TGM5: variants seen among roughly 807,000 people sequenced by gnomAD.
TGM5 encodes the protein transglutaminase 5.
A neutral mutation model predicts 77.2 loss-of-function variants in TGM5; 69 were observed. The observed-to-expected ratio is 0.89, with a 90% CI of 0.74 to 1.09. The LOEUF (loss-of-function observed/expected upper bound fraction) is 1.09, where lower values mean the gene tolerates loss of function less well. Among genes scored for constraint, TGM5 ranks in the 50% least tolerant of loss-of-function variants. The pLI, the probability that TGM5 is intolerant of heterozygous loss-of-function variation, is 0.00. For missense variants in TGM5, 842 were observed against 896.5 expected (o/e 0.94, Z 0.78); for synonymous variants, 346 against 351.8 (o/e 0.98, Z 0.18).
At chr15:43,266,024 G>A (rs542951409) in intron 1 of TGM5, among the ~76,000 whole-genome samples, 5 of 152,338 alleles carry the variant, frequency 3.3e-5, no homozygotes. Flanking sequence ...GTATGTCTGA[G>A]TGTAAATGTG....
rs560597490 is a variant in TGM5 at position 43,252,830 on chromosome 15, T to C, written c.791A>G (p.Gln264Arg). The change falls in exon 6 of 13, where the codon CAG becomes CGG. Residue 264 changes from glutamine to arginine, a missense_variant. Physicochemically the swap from Gln to Arg is conservative, Grantham distance 43. Coordinates refer to ENST00000220420, the MANE Select transcript of TGM5 (RefSeq NM_201631.4). ...GGGCTGGCAGCCTGTGGCGTTCCAC[T>C]GCTTCAGGATGGCCACGCTGCCCGT... is the stretch of plus-strand genomic sequence containing the variant. ...EWTGSVAILK[Q>R]WNATGCQPVR... 4 of 1,614,080 alleles carry C rather than the reference T, an allele frequency of 2.5e-6. No homozygotes were observed. In the South Asian group the frequency reaches 4.4e-5, roughly 18 times the overall value.
intron 6 of TGM5, among the ~76,000 whole-genome samples, chr15:43,243,348 A>G (rs1596444198): frequency 6.6e-6 from 1 of 152,160 alleles, no homozygotes; most frequent in Admixed American, 6.5e-5. Flanking sequence ...ACTCACCACT[A>G]TCCTGATGGT....
chr15:43,245,141 C>T (rs1253280883), intron 6 of TGM5, among the ~76,000 whole-genome samples: 1 of 151,758 alleles, frequency 6.6e-6, no homozygotes, highest in Non-Finnish European at 1.5e-5. Context: ...GCTCTTTTTG[C>T]TGCAATGTGG....
chr15:43,235,001 T>C, intron 10 of TGM5, 72 bp from the exon 11 acceptor site: 2 of 1,553,362 alleles, frequency 1.3e-6, no homozygotes, highest in Non-Finnish European at 1.8e-6. Context: ...GACCTGGGTC[T>C]CTCTTCCACA....
chr15:43,238,232 G>A (rs1009061466), intron 9 of TGM5, among the ~76,000 whole-genome samples: 6 of 152,164 alleles, frequency 3.9e-5, no homozygotes, highest in Non-Finnish European at 7.4e-5. Context: ...GGCCCTCATG[G>A]ACTGGATATT....
chr15:43,266,859 C>T lies in TGM5; in HGVS notation c.-10G>A. On this transcript the variant is annotated 5_prime_UTR_variant, in exon 1 of 13. Transcript: ENST00000220420. Reference sequence around the variant, plus strand: ...CCCTACCTTGGGCCATGGTAGCTGCCTCCGGTTCCTGGGATGCTCCCCACA... The same window carrying T: ...CCCTACCTTGGGCCATGGTAGCTGCTTCCGGTTCCTGGGATGCTCCCCACA... 3 of 1,614,122 alleles carry T rather than the reference C, an allele frequency of 1.9e-6. No individual in the cohort carries two copies. The highest frequency in any genetic ancestry group is 2.5e-6 in the Non-Finnish European group (3 of 1,180,038).
chr15:43,249,883 C>T (rs1279118468), intron 6 of TGM5, among the ~76,000 whole-genome samples: 3 of 152,350 alleles, frequency 2.0e-5, no homozygotes, highest in Non-Finnish European at 4.4e-5. Flanking sequence ...TGTTGAAAGG[C>T]CACACTGGGA....
rs569199136 is a variant in TGM5, at chr15:43,261,074, GTGTTTTTTTT to G, written c.11-505_11-496del. Among the ~76,000 whole-genome samples, 4 of 73,878 alleles carry G rather than the reference GTGTTTTTTTT, an allele frequency of 5.4e-5. No homozygotes were observed. In the East Asian group the frequency reaches 2.2e-3, roughly 40 times the overall value. The allele number at this position is 73,878 out of a possible 152,430, so 48.5% of individuals were successfully genotyped here. A position where few individuals can be genotyped will look rare whatever the true frequency, so the allele number is the denominator to read the frequency against. ...AGCTGCTCTTCCTTTTTTTGTGTGTGTGTTTTTTTTTTTTTTTTTTTTTTTTTTTTTTTGA... is the reference window on the plus strand; with the variant it reads ...AGCTGCTCTTCCTTTTTTTGTGTGTGTTTTTTTTTTTTTTTTTTTTTTTGA... On this transcript the variant is annotated intron_variant, in intron 1 of 12. Coordinates refer to ENST00000220420, the MANE Select transcript of TGM5 (RefSeq NM_201631.4).
At chr15:43,260,001 G>A (rs770991084) in intron 3 of TGM5, 51 bp downstream of exon 3, 1 of 1,611,224 alleles carries the variant, frequency 6.2e-7, no homozygotes, top group Non-Finnish European at 8.5e-7. Context: ...TGTCTCTCTG[G>A]CAGCACTGAC....
At chr15:43,234,580 G>A (rs555929746) in intron 11 of TGM5, among the ~76,000 whole-genome samples, 189 bp downstream of exon 11, 1 of 152,132 alleles carries the variant, frequency 6.6e-6, no homozygotes, top group East Asian at 1.9e-4. Context: ...CCATCCATAG[G>A]GCCTCTAGTG....
intron 9 of TGM5, among the ~76,000 whole-genome samples, chr15:43,237,495 A>G (rs1231323346): frequency 6.6e-6 from 1 of 152,230 alleles, no homozygotes; most frequent in Admixed American, 6.5e-5. Context: ...GCAAACAAAA[A>G]TACAAGGCAA....
intron 7 of TGM5, chr15:43,239,867 G>C (rs1272611991): frequency 6.2e-6 from 1 of 161,180 alleles, no homozygotes; most frequent in African/African-American, 2.4e-5. Flanking sequence ...ACTCACAGAG[G>C]CACTCGTGGT....
chr15:43,250,302 A>T (rs1241344588), intron 6 of TGM5, among the ~76,000 whole-genome samples: 1 of 152,234 alleles, frequency 6.6e-6, no homozygotes. Flanking sequence ...AGCACTCTCC[A>T]GTATGAAGTC....
At chr15:43,240,784 C>G in intron 7 of TGM5, 68 bp downstream of exon 7, 1 of 1,607,044 alleles carries the variant, frequency 6.2e-7, no homozygotes, top group South Asian at 1.1e-5. Flanking sequence ...TCGTTCTGCC[C>G]TTCCTCCTGC....
intron 1 of TGM5, among the ~76,000 whole-genome samples, chr15:43,263,834 A>G (rs556183111): frequency 6.6e-6 from 1 of 152,354 alleles, no homozygotes; most frequent in African/African-American, 2.4e-5. Context: ...AAAATTAATA[A>G]CTTTTTGTCT....
At chr15:43,251,316 ACT>A (rs2142371849) in intron 6 of TGM5, among the ~76,000 whole-genome samples, 1 of 140,968 alleles carries the variant, frequency 7.1e-6, no homozygotes, top group African/African-American at 2.7e-5. Flanking sequence ...GTGCAAAGTC[ACT>A]CTCTCTCGGT....
Position 43,266,897 on chromosome 15 carries a change from G to A in TGM5, c.-48C>T, listed in dbSNP as rs183918087. The A allele has an allele frequency of 1.1e-4, 181 of 1,613,258 alleles. No homozygotes were observed. The highest frequency in any genetic ancestry group is 1.1e-3 in the Admixed American group (66 of 60,016). On this transcript the variant is annotated 5_prime_UTR_variant, in exon 1 of 13. Transcript: ENST00000220420. ...GATGCTCCCCACAGAACAGCTGGGC[G>A]GTCTGGAGCTTCAGCAAACTGGTGC...
chr15:43,233,421 T>C, intron 12 of TGM5, 77 bp from the exon 13 acceptor site: 1 of 1,611,276 alleles, frequency 6.2e-7, no homozygotes, highest in South Asian at 1.1e-5. Context: ...CCCAGCTTCC[T>C]GAGTGGGAGG....
At chr15:43,234,996 G>T in intron 10 of TGM5, 67 bp from the exon 11 acceptor site, 1 of 1,572,822 alleles carries the variant, frequency 6.4e-7, no homozygotes, top group South Asian at 1.1e-5. Context: ...GGTTGGACCT[G>T]GGTCTCTCTT....
Sources: gnomAD v4.1 joint callset for allele counts (sites outside exome capture counted in the v4.1 genomes callset) on GRCh38, gnomAD v4.1.1 for gene constraint, MANE v1.5 for transcripts, NCBI Gene and HGNC (gene_info 2026-07-23, HGNC 2026-07-21) for gene names.